Variants in SORCS2 observed in about 807,000 individuals in gnomAD.
The protein encoded by SORCS2 is sortilin related VPS10 domain containing receptor 2.
A neutral mutation model predicts 141.6 loss-of-function variants in SORCS2; 100 were observed. That is an observed-to-expected ratio of 0.71 (90% confidence interval 0.60 to 0.83). The LOEUF (loss-of-function observed/expected upper bound fraction) is 0.83. SORCS2 is among the 40% of genes least tolerant of loss of function. The pLI is 0.00. For synonymous variants in SORCS2, 789 were observed against 676.9 expected (o/e 1.17, Z -2.57); for missense variants, 1,646 against 1,560.2 (o/e 1.05, Z -0.93).
chr4:7,418,751 G>A (rs1413957144), intron 2 of SORCS2, among the ~76,000 whole-genome samples: 1 of 149,482 alleles, frequency 6.7e-6, no homozygotes, highest in Admixed American at 6.7e-5. Context: ...CATTCATTGA[G>A]CTTACGATTC....
chr4:7,572,207 C>A (rs1311699426), intron 3 of SORCS2, among the ~76,000 whole-genome samples: 1 of 152,196 alleles, frequency 6.6e-6, no homozygotes. Flanking sequence ...GCGTCCAAAG[C>A]TGAGGCTGAG....
chr4:7,327,918 C>T (rs1719383853), intron 1 of SORCS2, among the ~76,000 whole-genome samples: 1 of 151,866 alleles, frequency 6.6e-6, no homozygotes, highest in African/African-American at 2.4e-5. Context: ...ACCAAGGGCT[C>T]CTGAGGTTGC....
intron 3 of SORCS2, among the ~76,000 whole-genome samples, chr4:7,587,969 C>T (rs1456923892): frequency 1.3e-5 from 2 of 152,210 alleles, no homozygotes; most frequent in African/African-American, 2.4e-5. Context: ...AAACCAATTT[C>T]TCTAACTGTA....
intron 3 of SORCS2, among the ~76,000 whole-genome samples, chr4:7,569,238 T>C (rs1301394086): frequency 6.6e-6 from 1 of 152,096 alleles, no homozygotes; most frequent in East Asian, 1.9e-4. Context: ...AGAGGCTGGG[T>C]GTGGTGGCTC....
At chr4:7,310,907 G>T (rs995419045) in intron 1 of SORCS2, among the ~76,000 whole-genome samples, 1 of 152,204 alleles carries the variant, frequency 6.6e-6, no homozygotes, top group East Asian at 1.9e-4. Flanking sequence ...TTTCTGCAGG[G>T]TTTCAAAAGA....
chr4:7,418,825 C>G (rs1389689172), intron 2 of SORCS2, among the ~76,000 whole-genome samples: 1 of 151,914 alleles, frequency 6.6e-6, no homozygotes, highest in Non-Finnish European at 1.5e-5. Context: ...TGGGCTCAAT[C>G]TTACATCTGT....
chr4:7,643,247 G>A (rs536272099), intron 4 of SORCS2, among the ~76,000 whole-genome samples: 3 of 152,246 alleles, frequency 2.0e-5, no homozygotes, highest in Admixed American at 6.5e-5. Context: ...AGGCTCAGCC[G>A]ACTGCAGTAG....
At chr4:7,222,064 A>G (rs73204587) in intron 1 of SORCS2, among the ~76,000 whole-genome samples, 12,908 of 152,238 alleles carry the variant, frequency 0.085, 628 homozygotes, top group Non-Finnish European at 0.097. Context: ...GGAGCCCACC[A>G]GACAAGGGGA....
intron 3 of SORCS2, among the ~76,000 whole-genome samples, chr4:7,629,576 C>T (rs1719745747): frequency 6.6e-6 from 1 of 151,984 alleles, no homozygotes; most frequent in African/African-American, 2.4e-5. Context: ...CCTCGCTCCC[C>T]ACCCGCTGAT....
At chr4:7,325,272 G>T (rs957634228) in intron 1 of SORCS2, among the ~76,000 whole-genome samples, 1 of 152,124 alleles carries the variant, frequency 6.6e-6, no homozygotes, top group African/African-American at 2.4e-5. Flanking sequence ...GCCAGGCAGC[G>T]CGCTTCACCT....
chr4:7,198,681 G>A (rs1727308527), intron 1 of SORCS2, among the ~76,000 whole-genome samples: 1 of 152,206 alleles, frequency 6.6e-6, no homozygotes, highest in Admixed American at 6.5e-5. Flanking sequence ...GGGATGTGGT[G>A]ACCAGGGGTG....
intron 1 of SORCS2, among the ~76,000 whole-genome samples, chr4:7,261,138 C>T (rs1174399200): frequency 6.6e-6 from 1 of 152,172 alleles, no homozygotes; most frequent in Non-Finnish European, 1.5e-5. Context: ...CCTGGGAATT[C>T]TCTTGCTTTC....
At chr4:7,506,216 G>A (rs983375883) in intron 2 of SORCS2, among the ~76,000 whole-genome samples, 17 of 149,522 alleles carry the variant, frequency 1.1e-4, no homozygotes, top group Non-Finnish European at 1.8e-4. Context: ...ACTTCTTTTA[G>A]TCTGAGCGGG....
intron 2 of SORCS2, among the ~76,000 whole-genome samples, chr4:7,494,503 C>T (rs538719061): frequency 5.8e-5 from 7 of 121,622 alleles, no homozygotes; most frequent in South Asian, 6.9e-4. Context: ...CTCGCTGTGT[C>T]GTCTCATGGT....
intron 8 of SORCS2, among the ~76,000 whole-genome samples, chr4:7,670,563 G>A (rs780587258): frequency 1.3e-5 from 2 of 152,148 alleles, no homozygotes; most frequent in South Asian, 2.1e-4. Flanking sequence ...AGAGCAGGAT[G>A]CCCCAGAATC....
rs77322628 is a variant in SORCS2 at position 7,710,165 on chromosome 4, G to A, written c.1869-2568G>A. The stretch of plus-strand genomic sequence containing the variant: ...ACTGAGGCCTCCTGGGGGTCTCTGC[G>A]ACCAATGGAGCCCCAGTGTCATGTT... On this transcript the variant is annotated intron_variant, in intron 14 of 26. Coordinates refer to ENST00000507866, the MANE Select transcript of SORCS2 (RefSeq NM_020777.3). Among the ~76,000 whole-genome samples the A allele has an allele frequency of 4.1e-4, 63 of 152,210 alleles. 1 individual carries two copies. In the East Asian group the frequency reaches 5.8e-3, roughly 14 times the overall value.
chr4:7,464,525 C>T (rs2109331374), intron 2 of SORCS2, among the ~76,000 whole-genome samples: 1 of 152,194 alleles, frequency 6.6e-6, no homozygotes, highest in Admixed American at 6.5e-5. Context: ...GGGAAGTGTG[C>T]TGCAGAGGGA....
intron 3 of SORCS2, among the ~76,000 whole-genome samples, chr4:7,547,504 G>A (rs11731578): frequency 0.15 from 22,811 of 152,286 alleles, 2,263 homozygotes; most frequent in Middle Eastern, 0.22. Context: ...TGTGCCCGCT[G>A]ACTAACCAGC....
At chr4:7,618,239 A>G (rs1415920673) in intron 3 of SORCS2, among the ~76,000 whole-genome samples, 1 of 151,894 alleles carries the variant, frequency 6.6e-6, no homozygotes, top group Admixed American at 6.6e-5. Context: ...TTCCCCCTCT[A>G]TCCCCTCACC....
Sources: allele counts gnomAD v4.1 joint callset (sites outside exome capture counted in the v4.1 genomes callset), GRCh38; gene constraint gnomAD v4.1.1; transcripts MANE v1.5; gene names NCBI Gene and HGNC (gene_info 2026-07-23, HGNC 2026-07-21).